Variants in ARHGAP9 observed in about 807,000 individuals in gnomAD.
ARHGAP9 encodes the protein Rho GTPase activating protein 9.
A neutral mutation model predicts 87.3 loss-of-function variants in ARHGAP9; 76 were observed. The ratio of observed to expected loss-of-function variants is 0.87; its 90% CI spans 0.72 to 1.05. The LOEUF (loss-of-function observed/expected upper bound fraction) is 1.05, where lower values mean the gene tolerates loss of function less well. Among genes scored for constraint, ARHGAP9 ranks in the 50% least tolerant of loss-of-function variants. ARHGAP9 has a pLI of 0.00. For missense variants in ARHGAP9, 941 were observed against 960.5 expected, an observed-to-expected ratio of 0.98 and a Z score of 0.27; for synonymous variants, 382 against 394.9, an observed-to-expected ratio of 0.97 and a Z score of 0.39.
chr12:57,487,977 T>G (rs1024529670), intron 1 of ARHGAP9: 9 of 791,300 alleles, frequency 1.1e-5, no homozygotes, highest in Non-Finnish European at 2.0e-5. Flanking sequence ...CCGGTAGCGG[T>G]GCCAGGGCAG....
At chr12:57,477,410 G>C in intron 4 of ARHGAP9, 49 bp downstream of exon 4, 2 of 1,594,480 alleles carry the variant, frequency 1.3e-6, no homozygotes, top group Non-Finnish European at 8.6e-7. Context: ...TTCATCAGGG[G>C]AAGGAAGAGC....
Position 57,478,776 on chromosome 12 carries a change from A to T in ARHGAP9, c.317-19T>A. 1 of 1,593,630 alleles carries T rather than the reference A, an allele frequency of 6.3e-7. No individual in the cohort carries two copies. Among genetic ancestry groups the T allele is most frequent in the Non-Finnish European group, 8.6e-7 (1 of 1,167,206 alleles). On this transcript the variant is annotated intron_variant, in intron 2 of 17. Coordinates refer to ENST00000393791, the MANE Select transcript of ARHGAP9 (RefSeq NM_032496.4). Reference sequence around the variant, plus strand: ...TTCGGCCCTGGAAACAGAAAAGGGGAGGGTGGGTGGCAGGTGATCAGAGGT... The same window carrying T: ...TTCGGCCCTGGAAACAGAAAAGGGGTGGGTGGGTGGCAGGTGATCAGAGGT...
In ARHGAP9 at chr12:57,479,816, GA is replaced by G; in HGVS notation, c.-106del. 6.5e-7 allele frequency: 1 copy of G among 1,529,600 alleles called. No homozygotes were observed. The highest frequency in any genetic ancestry group is 8.8e-7 in the Non-Finnish European group (1 of 1,136,738). The allele number at this position is 1,529,600 out of a possible 1,614,324, so 94.8% of individuals were successfully genotyped here. ...TGAGGTGGACACAGGAAGGAGATAA[GA>G]AGAAAGAATCAGGTTCAAGACAGAA... On this transcript the variant is annotated 5_prime_UTR_variant, in exon 1 of 18. Transcript: ENST00000393791.
intron 1 of ARHGAP9, among the ~76,000 whole-genome samples, chr12:57,486,668 G>C (rs1309421074): frequency 6.8e-6 from 1 of 148,098 alleles, no homozygotes; most frequent in Admixed American, 6.7e-5. Context: ...GGCGGATCAC[G>C]AGGTCGGGGG....
In ARHGAP9 at chr12:57,478,361, C is replaced by T. The variant is rs969574793; in HGVS notation, c.534+179G>A. 4 of 667,794 alleles carry T rather than the reference C, an allele frequency of 6.0e-6. No homozygotes were observed. In the African/African-American group the frequency reaches 7.3e-5, roughly 12 times the overall value. The allele number at this position is 667,794 out of a possible 1,614,324, so 41.4% of individuals were successfully genotyped here. ...ATGCCGTGACCTCACAGATGTCTCC[C>T]CGCACCACCTCAGCCACTCTCCACC... On this transcript the variant is annotated intron_variant, in intron 3 of 17. Coordinates refer to ENST00000393791, the MANE Select transcript of ARHGAP9 (RefSeq NM_032496.4).
rs1874169309 is a variant in ARHGAP9, at chr12:57,477,440, G to C, written c.756+19C>G. The stretch of plus-strand genomic sequence containing the variant: ...AAGAGCTTGAGGGGACAGTGGAGAA[G>C]CAGGAGGTAAGGTCTCACCGTCTCG... On this transcript the variant is annotated intron_variant, in intron 4 of 17. Coordinates refer to ENST00000393791, the MANE Select transcript of ARHGAP9 (RefSeq NM_032496.4). 1 of 1,612,416 alleles carries C rather than the reference G, an allele frequency of 6.2e-7. No homozygotes were observed. The highest frequency in any genetic ancestry group is 8.5e-7 in the Non-Finnish European group (1 of 1,178,754).
In ARHGAP9 at chr12:57,478,738, A is replaced by T; in HGVS notation, c.336T>A (p.Gly112=). Residue 112 remains glycine, a synonymous_variant, in exon 3 of 18, where the codon GGT becomes GGA. Transcript: ENST00000393791. ...GGGCCTGAGACAACTCCTCCAGGGA[A>T]CCATGAAACAACTTCGGCCCTGGAA... The part of the protein sequence containing the change: ...LWTPGPKLFH[G]SLEELSQALP... The T allele has an allele frequency of 6.2e-7, 1 of 1,609,198 alleles. No individual in the cohort carries two copies. The highest frequency in any genetic ancestry group is 1.3e-5 in the African/African-American group (1 of 74,804).
chr12:57,475,267 A>G lies in ARHGAP9; in HGVS notation c.1552+24T>C, dbSNP rs747686930. ...GAGCCTCGCTGGAGTTTTCTTATCCATGAACCTGGCCCAGCCCCCTCACCT... is the reference window on the plus strand; with the variant it reads ...GAGCCTCGCTGGAGTTTTCTTATCCGTGAACCTGGCCCAGCCCCCTCACCT... On this transcript the variant is annotated intron_variant, in intron 12 of 17. Transcript: ENST00000393791. 1.0e-4 allele frequency: 158 copies of G among 1,560,562 alleles called. 1 individual carries two copies. The Admixed American group carries it at 1.3e-3, about 13-fold the overall frequency.
chr12:57,481,937 T>G (rs764752779), upstream of ARHGAP9, among the ~76,000 whole-genome samples: 1 of 152,146 alleles, frequency 6.6e-6, no homozygotes, highest in East Asian at 1.9e-4. Flanking sequence ...ATGATTTCCA[T>G]GTGCTGCTAA....
upstream of ARHGAP9, chr12:57,480,682 A>G (rs1874919425): frequency 1.7e-6 from 2 of 1,160,096 alleles, no homozygotes; most frequent in South Asian, 2.6e-5. Flanking sequence ...ACAGGTAGAT[A>G]GGGGACTGAT....
Sources: allele counts gnomAD v4.1 joint callset (sites outside exome capture counted in the v4.1 genomes callset), GRCh38; gene constraint gnomAD v4.1.1; transcripts MANE v1.5; gene names NCBI Gene and HGNC (gene_info 2026-07-23, HGNC 2026-07-21).